The following SUFU variants were observed in gnomAD, a reference collection of about 807,000 sequenced individuals.
SUFU encodes the protein suppressor of fused homolog.
Under a neutral mutation model 58.9 loss-of-function variants are expected in SUFU, and 7 were observed. That is an observed-to-expected ratio of 0.12 (90% confidence interval 0.07 to 0.22). The LOEUF (loss-of-function observed/expected upper bound fraction) is 0.22. SUFU is among the 10% of genes least tolerant of loss of function. SUFU has a pLI of 1.00. For missense variants in SUFU, 451 were observed against 641.3 expected (o/e 0.70, Z 3.20); for synonymous variants, 232 against 254.8 (o/e 0.91, Z 0.85).
At chr10:102,575,800 A>C (rs2063206528) in intron 3 of SUFU, among the ~76,000 whole-genome samples, 1 of 152,186 alleles carries the variant, frequency 6.6e-6, no homozygotes, top group Non-Finnish European at 1.5e-5. Context: ...AAGGAGGAGG[A>C]TCATCTTTCC....
chr10:102,627,937 C>A (rs890164646), intron 11 of SUFU, among the ~76,000 whole-genome samples: 3 of 152,230 alleles, frequency 2.0e-5, no homozygotes, highest in Admixed American at 1.3e-4. Context: ...CTCCCCCGCT[C>A]CTGCCCGCAG....
intron 8 of SUFU, among the ~76,000 whole-genome samples, chr10:102,610,497 A>G (rs897293143): frequency 6.6e-6 from 1 of 152,126 alleles, no homozygotes; most frequent in Non-Finnish European, 1.5e-5. Flanking sequence ...TTTTGAGAAC[A>G]TTCTGACAGC....
chr10:102,627,568 C>T (rs368712249), intron 11 of SUFU, among the ~76,000 whole-genome samples: 7 of 152,368 alleles, frequency 4.6e-5, no homozygotes, highest in Admixed American at 6.5e-5. Context: ...CAGGCTAGTA[C>T]GAGTTCTCCC....
intron 1 of SUFU, among the ~76,000 whole-genome samples, chr10:102,504,863 G>C (rs1282588894): frequency 6.6e-6 from 1 of 152,100 alleles, no homozygotes; most frequent in East Asian, 1.9e-4. Context: ...CCTGGTGCTT[G>C]TGGAGAGAGG....
intron 3 of SUFU, among the ~76,000 whole-genome samples, chr10:102,591,866 G>C (rs1564696394): frequency 6.6e-6 from 1 of 152,190 alleles, no homozygotes; most frequent in Non-Finnish European, 1.5e-5. Flanking sequence ...TAACGTACCT[G>C]CTTGAAGTGC....
intron 8 of SUFU, among the ~76,000 whole-genome samples, chr10:102,601,849 T>TG (rs1202210165): frequency 1.3e-5 from 2 of 152,170 alleles, no homozygotes; most frequent in Non-Finnish European, 2.9e-5. Context: ...CTCTCCCTGT[T>TG]GGGGGGCAGC....
At chr10:102,591,746 T>A (rs910476354) in intron 3 of SUFU, 1 of 152,130 alleles carries the variant, frequency 6.6e-6, no homozygotes, top group Non-Finnish European at 1.5e-5. Context: ...GCTGGACATA[T>A]AGAGCACCTT....
intron 3 of SUFU, among the ~76,000 whole-genome samples, chr10:102,560,272 G>T (rs10883736): frequency 0.45 from 68,906 of 151,878 alleles, 16,028 homozygotes; most frequent in East Asian, 0.67. Context: ...TGTCTGGATA[G>T]AATTTGCAGT....
At chr10:102,508,909 A>G (rs1342810736) in intron 1 of SUFU, among the ~76,000 whole-genome samples, 1 of 152,212 alleles carries the variant, frequency 6.6e-6, no homozygotes, top group African/African-American at 2.4e-5. Context: ...CAAAATGGGT[A>G]ACCATCCAGT....
At chr10:102,546,417 G>T (rs971484568) in intron 2 of SUFU, among the ~76,000 whole-genome samples, 1 of 152,316 alleles carries the variant, frequency 6.6e-6, no homozygotes, top group East Asian at 1.9e-4. Flanking sequence ...CCACCAGCCA[G>T]TATTTTAGTA....
intron 2 of SUFU, among the ~76,000 whole-genome samples, chr10:102,539,654 T>C (rs1480727042): frequency 6.6e-6 from 1 of 152,218 alleles, no homozygotes; most frequent in Admixed American, 6.5e-5. Flanking sequence ...TTGATAATTG[T>C]TTCTACATTC....
intron 2 of SUFU, among the ~76,000 whole-genome samples, chr10:102,529,934 A>G (rs1198839141): frequency 1.4e-5 from 2 of 144,140 alleles, no homozygotes; most frequent in Non-Finnish European, 3.0e-5. Flanking sequence ...ACAGAGTGAG[A>G]CTCCGTCTCA....
Position 102,504,184 on chromosome 10 carries a change from G to GCCCCCCCC in SUFU, c.36_37insCCCCCCCC (p.Thr13ProfsTer86). 6.5e-7 allele frequency: 1 copy of GCCCCCCCC among 1,549,184 alleles called. No individual in the cohort carries two copies. Among genetic ancestry groups the GCCCCCCCC allele is most frequent in the Non-Finnish European group, 8.7e-7 (1 of 1,148,456 alleles). Reference sequence around the variant, plus strand: ...GAGCTGCGGCCTAGCGGCGCCCCCGGCCCCACCGCGCCCCCGGCCCCTGGC... The same window carrying GCCCCCCCC: ...GAGCTGCGGCCTAGCGGCGCCCCCGGCCCCCCCCCCCCACCGCGCCCCCGGCCCCTGGC... On this transcript the variant is annotated frameshift_variant, in exon 1 of 12. Coordinates refer to ENST00000369902, the MANE Select transcript of SUFU (RefSeq NM_016169.4). LOFTEE classifies it high-confidence loss of function.
chr10:102,581,180 C>CAAA (rs71016393), intron 3 of SUFU, among the ~76,000 whole-genome samples: 60 of 75,672 alleles, frequency 7.9e-4, no homozygotes, highest in Non-Finnish European at 1.0e-3. Flanking sequence ...ACTCTGTCTC[C>CAAA]AAAAAAAAAA....
chr10:102,597,689 C>T (rs910895669), intron 7 of SUFU, among the ~76,000 whole-genome samples: 1 of 152,264 alleles, frequency 6.6e-6, no homozygotes, highest in Non-Finnish European at 1.5e-5. Flanking sequence ...AAGGCCATGC[C>T]AGATCCAAGG....
intron 8 of SUFU, among the ~76,000 whole-genome samples, chr10:102,609,664 G>C (rs1442140305): frequency 6.6e-6 from 1 of 152,228 alleles, no homozygotes; most frequent in Non-Finnish European, 1.5e-5. Context: ...ATGGTTATCA[G>C]ACCAGGAAGG....
At chr10:102,615,129 A>G (rs1323064325) in intron 8 of SUFU, 139 bp from the exon 9 acceptor site, 20 of 1,323,870 alleles carry the variant, frequency 1.5e-5, no homozygotes, top group Non-Finnish European at 2.1e-5. Flanking sequence ...AGGCATATAC[A>G]GAATGATGGC....
intron 8 of SUFU, among the ~76,000 whole-genome samples, chr10:102,603,379 G>T (rs896011331): frequency 2.0e-5 from 3 of 152,084 alleles, no homozygotes; most frequent in African/African-American, 7.2e-5. Flanking sequence ...CAGTATTCTA[G>T]GGCCACCTCC....
chr10:102,543,600 C>T (rs752875530), intron 2 of SUFU, among the ~76,000 whole-genome samples: 2 of 152,158 alleles, frequency 1.3e-5, no homozygotes, highest in Non-Finnish European at 2.9e-5. Flanking sequence ...TCCCCACTAC[C>T]CCAGTCCTAG....
Sources: gnomAD v4.1 joint callset for allele counts (sites outside exome capture counted in the v4.1 genomes callset) on GRCh38, gnomAD v4.1.1 for gene constraint, MANE v1.5 for transcripts, NCBI Gene and HGNC (gene_info 2026-07-23, HGNC 2026-07-21) for gene names.